The following SOX6 variants were observed in gnomAD, a reference collection of about 807,000 sequenced individuals.
The protein encoded by SOX6 is SRY-box transcription factor 6, also known as transcription factor SOX-6.
SOX6 carries 11 observed loss-of-function variants against 97.8 expected under a neutral mutation model. That is an observed-to-expected ratio of 0.11 (90% CI 0.07 to 0.19). The LOEUF (loss-of-function observed/expected upper bound fraction) is 0.19, where lower values mean the gene tolerates loss of function less well. SOX6 is among the 10% of genes least tolerant of loss of function. The probability of loss-of-function intolerance (pLI) is 1.00; values close to 1 mark genes in which losing one functional copy is unlikely to be tolerated. For synonymous variants in SOX6, 360 were observed against 371.4 expected (o/e 0.97, Z 0.35); for missense variants, 810 against 1,039.5 (o/e 0.78, Z 3.04).
At chr11:16,550,401 A>G (rs1209154957) in intron 4 of SOX6, among the ~76,000 whole-genome samples, 3 of 152,164 alleles carry the variant, frequency 2.0e-5, no homozygotes, top group Non-Finnish European at 4.4e-5. Context: ...CCAACATGGC[A>G]TATGTATACA....
chr11:16,087,281 T>G (rs891373973), intron 9 of SOX6, among the ~76,000 whole-genome samples: 6 of 152,164 alleles, frequency 3.9e-5, no homozygotes, highest in Non-Finnish European at 7.4e-5. Flanking sequence ...TTAATACTAC[T>G]CATGTTTCTT....
intron 15 of SOX6, among the ~76,000 whole-genome samples, chr11:15,983,897 C>T (rs1416196625): frequency 6.6e-6 from 1 of 152,088 alleles, no homozygotes; most frequent in Non-Finnish European, 1.5e-5. Context: ...GCAGAGACTT[C>T]ATTTTCTCCA....
intron 4 of SOX6, among the ~76,000 whole-genome samples, chr11:16,524,583 G>A (rs1436729416): frequency 6.7e-6 from 1 of 150,278 alleles, no homozygotes; most frequent in Non-Finnish European, 1.5e-5. Flanking sequence ...AGACAGGGAT[G>A]CCCTCTCTCA....
chr11:16,679,141 G>A (rs1405109578), intron 3 of SOX6, among the ~76,000 whole-genome samples: 1 of 152,230 alleles, frequency 6.6e-6, no homozygotes, highest in East Asian at 1.9e-4. Flanking sequence ...CTCTGAGAGT[G>A]GACGGACTGC....
At chr11:16,402,762 A>G (rs1027792831) in intron 1 of SOX6, 4 of 1,606,548 alleles carry the variant, frequency 2.5e-6, no homozygotes, top group Admixed American at 1.7e-5. Flanking sequence ...AAATATTAGG[A>G]AAAAAAACAA....
At chr11:16,007,984 A>G (rs1423886111) in intron 13 of SOX6, among the ~76,000 whole-genome samples, 1 of 152,060 alleles carries the variant, frequency 6.6e-6, no homozygotes, top group African/African-American at 2.4e-5. Context: ...ATTACTCAGT[A>G]TCTGAAAGAG....
At chr11:16,211,328 T>G (rs546911637) in intron 4 of SOX6, among the ~76,000 whole-genome samples, 4 of 151,948 alleles carry the variant, frequency 2.6e-5, no homozygotes, top group Admixed American at 6.6e-5. Flanking sequence ...ACAGACTGTG[T>G]GGAGACAAAG....
chr11:15,993,369 T>C (rs998866834), intron 13 of SOX6, among the ~76,000 whole-genome samples: 3 of 152,212 alleles, frequency 2.0e-5, no homozygotes, highest in African/African-American at 7.2e-5. Flanking sequence ...GAACTTGGAA[T>C]GGCTCATAAT....
chr11:16,430,734 C>T (rs1311038736), intron 1 of SOX6, among the ~76,000 whole-genome samples: 2 of 152,124 alleles, frequency 1.3e-5, no homozygotes, highest in Admixed American at 6.5e-5. Flanking sequence ...CAGTTTATGG[C>T]ATTTTGCTTC....
At chr11:16,624,308 C>A (rs1425478570) in intron 3 of SOX6, among the ~76,000 whole-genome samples, 8 of 152,060 alleles carry the variant, frequency 5.3e-5, no homozygotes, top group African/African-American at 1.9e-4. Context: ...CTGCCTCAGC[C>A]TCCCAAGTAG....
chr11:16,267,661 A>G (rs2134223885), intron 3 of SOX6, among the ~76,000 whole-genome samples: 1 of 151,698 alleles, frequency 6.6e-6, no homozygotes, highest in South Asian at 2.1e-4. Flanking sequence ...TAAAAATATA[A>G]TTAACATATA....
At chr11:16,287,598 C>T (rs1854791060) in intron 3 of SOX6, among the ~76,000 whole-genome samples, 1 of 152,078 alleles carries the variant, frequency 6.6e-6, no homozygotes, top group Non-Finnish European at 1.5e-5. Flanking sequence ...ACCAGCTATT[C>T]AATACATTAA....
Position 16,622,899 on chromosome 11 carries a change from C to T in SOX6, n.430-10639G>A, listed in dbSNP as rs542710163. Among the ~76,000 whole-genome samples the T allele has an allele frequency of 2.0e-4, 31 of 152,208 alleles. No individual in the cohort carries two copies. In the South Asian group the frequency reaches 5.8e-3, roughly 29 times the overall value. On this transcript the variant is annotated intron_variant and non_coding_transcript_variant, in intron 3 of 5. Transcript: ENST00000524520. ...CAGCAGTGTAAAAATGTTCTCTTTT[C>T]ACCATATCCACACTAACATCTATTT... is the stretch of plus-strand genomic sequence containing the variant.
At chr11:16,269,944 C>T (rs1042422194) in intron 3 of SOX6, 9 of 151,082 alleles carry the variant, frequency 6.0e-5, no homozygotes, top group Admixed American at 1.3e-4. Context: ...TGGCTAATAC[C>T]TTCAGAAAAA....
intron 1 of SOX6, among the ~76,000 whole-genome samples, chr11:16,395,324 C>T (rs111828693): frequency 9.2e-5 from 14 of 151,848 alleles, no homozygotes; most frequent in African/African-American, 1.4e-4. Flanking sequence ...AAACAAGATC[C>T]TTGCAGGGAG....
intron 4 of SOX6, among the ~76,000 whole-genome samples, chr11:16,529,593 A>C (rs559231282): frequency 6.6e-6 from 1 of 152,060 alleles, no homozygotes; most frequent in East Asian, 1.9e-4. Flanking sequence ...AACCACTCAC[A>C]ATCTTCCAGT....
At chr11:16,112,162 T>C (rs113991109) in intron 6 of SOX6, among the ~76,000 whole-genome samples, 38 of 152,342 alleles carry the variant, frequency 2.5e-4, no homozygotes, top group African/African-American at 7.7e-4. Flanking sequence ...TCCACCGAAC[T>C]GTAGTTAATG....
chr11:16,147,390 T>A (rs577172883), intron 6 of SOX6, among the ~76,000 whole-genome samples: 1 of 152,014 alleles, frequency 6.6e-6, no homozygotes, highest in Admixed American at 6.6e-5. Context: ...TTAGGAGATA[T>A]ACCTAATGCT....
At chr11:16,125,516 T>C (rs1267235902) in intron 6 of SOX6, among the ~76,000 whole-genome samples, 2 of 152,108 alleles carry the variant, frequency 1.3e-5, no homozygotes, top group Non-Finnish European at 2.9e-5. Flanking sequence ...TTGAGACTAA[T>C]GTCATCTTTG....
Sources: gnomAD v4.1 joint callset for allele counts (sites outside exome capture counted in the v4.1 genomes callset) on GRCh38, gnomAD v4.1.1 for gene constraint, MANE v1.5 for transcripts, NCBI Gene and HGNC (gene_info 2026-07-23, HGNC 2026-07-21) for gene names.